The following NXF1 variants were observed in gnomAD, a reference collection of about 807,000 sequenced individuals.
NXF1 encodes mRNA export factor TAP.
NXF1 carries 43 observed loss-of-function variants against 92.4 expected under a neutral mutation model. That is an observed-to-expected ratio of 0.47 (90% CI 0.36 to 0.60). The LOEUF (loss-of-function observed/expected upper bound fraction) is 0.60. NXF1 is among the 20% of genes least tolerant of loss of function. The pLI is 0.00. For synonymous variants in NXF1, 288 were observed against 292.2 expected (o/e 0.99, Z 0.15); for missense variants, 576 against 793.0 (o/e 0.73, Z 3.29).
chr11:62,801,229 G>C, intron 8 of NXF1, 28 bp from the exon 9 acceptor site: 1 of 1,607,164 alleles, frequency 6.2e-7, no homozygotes, highest in Non-Finnish European at 8.5e-7. Context: ...TTTAGAGGAG[G>C]CACCACCAGC....
chr11:62,793,073 T>TAG (rs1173072962), intron 19 of NXF1, among the ~76,000 whole-genome samples: 1 of 150,406 alleles, frequency 6.6e-6, no homozygotes, highest in African/African-American at 2.5e-5. Flanking sequence ...GTTTGTGTTT[T>TAG]TCTGTTTGCT....
intron 11 of NXF1, 130 bp downstream of exon 11, chr11:62,798,408 TG>T: frequency 7.4e-7 from 1 of 1,355,302 alleles, no homozygotes; most frequent in Non-Finnish European, 9.8e-7. Context: ...CACTCCAGCC[TG>T]GGCGACGAGT....
At chr11:62,805,161 C>T (rs558700363) in intron 1 of NXF1, 168 bp downstream of exon 1, 58 of 497,952 alleles carry the variant, frequency 1.2e-4, no homozygotes, top group African/African-American at 9.8e-4. Context: ...AGCAGGAATC[C>T]AGGAGTCAAC....
At position 62,792,674 on chromosome 11, in the gene NXF1, G is replaced by A. The variant is rs369336139; in HGVS notation, c.1788C>T (p.Tyr596=). 522 of 1,614,202 alleles carry A rather than the reference G, an allele frequency of 3.2e-4. No homozygotes were observed. The highest frequency in any genetic ancestry group is 6.6e-4 in the Middle Eastern group (4 of 6,062). ...QKCLQDNNWD[Y]TRSAQAFTHL... ...GAGTGAAGGCCTGGGCAGATCTGGT[G>A]TAGTCCCAGTTGTTGTCCTGAAGGC... is the stretch of plus-strand genomic sequence containing the variant. The change falls in exon 20 of 21, where the codon TAC becomes TAT. Residue 596 remains tyrosine, a synonymous_variant. Transcript: ENST00000294172.
intron 1 of NXF1, among the ~76,000 whole-genome samples, chr11:62,804,511 G>A (rs2084513182): frequency 6.6e-6 from 1 of 152,158 alleles, no homozygotes; most frequent in Admixed American, 6.5e-5. Flanking sequence ...CTTAACCAGG[G>A]ACCCTGGAAT....
At chr11:62,799,428 G>A in intron 10 of NXF1, 2 of 985,668 alleles carry the variant, frequency 2.0e-6, no homozygotes, top group Non-Finnish European at 1.2e-6. Flanking sequence ...TCCCTCAGAA[G>A]GTGTGAGGGT....
chr11:62,801,927 GC>G lies in NXF1; in HGVS notation c.558+14del, dbSNP rs1565201308. The G allele has an allele frequency of 6.2e-7, 1 of 1,612,562 alleles. No homozygotes were observed. Among genetic ancestry groups the G allele is most frequent in the Non-Finnish European group, 8.5e-7 (1 of 1,178,558 alleles). On this transcript the variant is annotated intron_variant, in intron 5 of 20. Coordinates refer to ENST00000294172, the MANE Select transcript of NXF1 (RefSeq NM_006362.5). ...CAACCTCCACCTCCAGCCAAGCCAG[GC>G]CCTTTAAACACACCCTTCGGTTCTC...
intron 13 of NXF1, 105 bp from the exon 14 acceptor site, chr11:62,796,672 C>G: frequency 1.3e-6 from 1 of 745,316 alleles, no homozygotes; most frequent in Non-Finnish European, 2.3e-6. Flanking sequence ...AAGCTCATGC[C>G]TGTAATCCCA....
chr11:62,795,876 A>C (rs1265908650), intron 17 of NXF1, 25 bp downstream of exon 17: 1 of 1,610,148 alleles, frequency 6.2e-7, no homozygotes, highest in Non-Finnish European at 8.5e-7. Flanking sequence ...CCACGCTACA[A>C]ACTCGGGACT....
Position 62,794,091 on chromosome 11 carries a change from C to T in NXF1, c.1760+167G>A, listed in dbSNP as rs77618759. On this transcript the variant is annotated intron_variant, in intron 19 of 20. Coordinates refer to ENST00000294172, the MANE Select transcript of NXF1 (RefSeq NM_006362.5). ...CTGAGGTGGGAGGACAGCTTGTGCC[C>T]AGGAATTAGAGGCTACAGTGAGTTA... Among the ~76,000 whole-genome samples the T allele has an allele frequency of 5.4e-3, 826 of 151,772 alleles. 4 individuals are homozygous for T. The highest frequency in any genetic ancestry group is 7.2e-3 in the Non-Finnish European group (492 of 67,928).
At chr11:62,804,673 C>T (rs2084514762) in intron 1 of NXF1, among the ~76,000 whole-genome samples, 1 of 152,146 alleles carries the variant, frequency 6.6e-6, no homozygotes, top group Non-Finnish European at 1.5e-5. Flanking sequence ...ACATAGAAGG[C>T]GCAGCTAACA....
rs2084485078 is a variant in NXF1 at position 62,802,057 on chromosome 11, A to G, written c.454-11T>C. 1.2e-6 allele frequency: 2 copies of G among 1,613,404 alleles called. No homozygotes were observed. Among genetic ancestry groups the G allele is most frequent in the Non-Finnish European group, 1.7e-6 (2 of 1,179,416 alleles). On this transcript the variant is annotated splice_polypyrimidine_tract_variant and intron_variant, in intron 4 of 20. Coordinates refer to ENST00000294172, the MANE Select transcript of NXF1 (RefSeq NM_006362.5). ...ATTCTCATAGTGAAACTACAAGAGG[A>G]AACAGGAGCATTACACTGGGAGTCC...
intron 1 of NXF1, among the ~76,000 whole-genome samples, chr11:62,804,703 A>C (rs1240939676): frequency 6.6e-6 from 1 of 152,266 alleles, no homozygotes; most frequent in Non-Finnish European, 1.5e-5. Context: ...AACTTTCTCC[A>C]GTGCCGGCCA....
intron 10 of NXF1, chr11:62,799,360 C>T (rs1336220204): frequency 3.0e-6 from 3 of 985,668 alleles, no homozygotes; most frequent in African/African-American, 1.7e-5. Context: ...CTGTCTGCTA[C>T]CTGGGTCCCG....
At chr11:62,799,514 C>T (rs2084456631) in intron 10 of NXF1, 25 of 985,786 alleles carry the variant, frequency 2.5e-5, no homozygotes, top group Non-Finnish European at 3.0e-5. Flanking sequence ...CCTGATGGCC[C>T]CTCTGCGACT....
chr11:62,792,787 G>A (rs2134753184), intron 19 of NXF1, 86 bp from the exon 20 acceptor site: 2 of 1,234,298 alleles, frequency 1.6e-6, no homozygotes, highest in Admixed American at 1.8e-5. Flanking sequence ...ACCCAAGTTT[G>A]CCAACAAATA....
chr11:62,799,595 C>T, intron 10 of NXF1: 2 of 985,780 alleles, frequency 2.0e-6, no homozygotes, highest in Non-Finnish European at 1.2e-6. Context: ...TCCACCGGGG[C>T]CAAACAGGGT....
chr11:62,795,772 G>C (rs1226070194), intron 17 of NXF1, 129 bp downstream of exon 17: 2 of 885,110 alleles, frequency 2.3e-6, no homozygotes, highest in Admixed American at 3.6e-5. Flanking sequence ...AGACGGCTTG[G>C]GGGCAGAATG....
At chr11:62,798,685 A>T in intron 10 of NXF1, 110 bp from the exon 11 acceptor site, 1 of 1,556,924 alleles carries the variant, frequency 6.4e-7, no homozygotes, top group Non-Finnish European at 8.7e-7. Context: ...CATCCTGCTC[A>T]TCCCTCCACT....
Sources: allele counts gnomAD v4.1 joint callset (sites outside exome capture counted in the v4.1 genomes callset), GRCh38; gene constraint gnomAD v4.1.1; transcripts MANE v1.5; gene names NCBI Gene and HGNC (gene_info 2026-07-23, HGNC 2026-07-21).